Variants in PLEKHS1 observed in about 807,000 individuals in gnomAD.
The protein encoded by PLEKHS1 is pleckstrin homology domain containing S1, also known as pleckstrin homology domain-containing family S member 1.
PLEKHS1 carries 55 observed loss-of-function variants against 51.0 expected under a neutral mutation model. The observed-to-expected ratio is 1.08, with a 90% CI of 0.87 to 1.35. PLEKHS1 has a LOEUF of 1.35. PLEKHS1 is among the 40% of genes most tolerant of loss of function. The pLI, the probability that PLEKHS1 is intolerant of heterozygous loss-of-function variation, is 0.00. For missense variants in PLEKHS1, 398 were observed against 423.0 expected (o/e 0.94, Z 0.52); for synonymous variants, 153 against 144.8 (o/e 1.06, Z -0.41).
exon 12 of PLEKHS1, chr10:113,781,920 C>G (rs533506016): frequency 5.6e-4 from 86 of 152,358 alleles, no homozygotes; most frequent in African/African-American, 2.0e-3. Context: ...CTTAAAGACT[C>G]AGCAACGATT....
chr10:113,777,203 A>G, intron 11 of PLEKHS1: 1 of 1,612,844 alleles, frequency 6.2e-7, no homozygotes, highest in Non-Finnish European at 8.5e-7. Flanking sequence ...GAATGACCTG[A>G]AACCCCAGAG....
chr10:113,779,900 C>T (rs1449326331), intron 11 of PLEKHS1, among the ~76,000 whole-genome samples: 1 of 152,158 alleles, frequency 6.6e-6, no homozygotes, highest in African/African-American at 2.4e-5. Flanking sequence ...ATAGAAAATT[C>T]CCTTACTTTC....
At chr10:113,774,687 T>C (rs1844565495) in intron 9 of PLEKHS1, 139 bp from the exon 10 acceptor site, 2 of 724,630 alleles carry the variant, frequency 2.8e-6, no homozygotes, top group Non-Finnish European at 4.6e-6. Flanking sequence ...TAGCTGTGGC[T>C]GTGATTCTGA....
chr10:113,756,913 C>CTTTTTT (rs397845343), intron 2 of PLEKHS1, among the ~76,000 whole-genome samples: 7 of 109,890 alleles, frequency 6.4e-5, no homozygotes, highest in African/African-American at 7.0e-5. Flanking sequence ...TTAGATTGGT[C>CTTTTTT]TTTTTTTTTT....
intron 11 of PLEKHS1, 83 bp from the exon 12 acceptor site, chr10:113,777,041 C>A: frequency 6.5e-7 from 1 of 1,526,990 alleles, no homozygotes; most frequent in Middle Eastern, 2.3e-4. Context: ...GCCACGTGAC[C>A]TAGAATCAGG....
chr10:113,780,827 G>A lies in PLEKHS1; in HGVS notation c.*225G>A, dbSNP rs930424797. ...GCAGAACCAGGATGGAGCTGGGACTGTCCAGCTCTGCCCCCTGCTGCTGCC... is the reference window on the plus strand; with the variant it reads ...GCAGAACCAGGATGGAGCTGGGACTATCCAGCTCTGCCCCCTGCTGCTGCC... On this transcript the variant is annotated 3_prime_UTR_variant, in exon 12 of 12. Coordinates refer to ENST00000361048, the Ensembl canonical transcript of PLEKHS1. 19 of 1,495,898 alleles carry A rather than the reference G, an allele frequency of 1.3e-5. 1 individual carries two copies. Among genetic ancestry groups the A allele is most frequent in the East Asian group, 4.9e-5 (2 of 40,532 alleles). 92.7% of individuals were successfully genotyped at this position (1,495,898 alleles called of 1,614,324 possible).
intron 2 of PLEKHS1, 128 bp from the exon 3 acceptor site, chr10:113,766,283 T>C: frequency 1.6e-6 from 1 of 623,790 alleles, no homozygotes; most frequent in Non-Finnish European, 2.8e-6. Context: ...TGGGTTATTA[T>C]AGGTGTCCTT....
intron 5 of PLEKHS1, among the ~76,000 whole-genome samples, chr10:113,768,011 T>C (rs533729887): frequency 5.3e-5 from 8 of 152,246 alleles, no homozygotes; most frequent in Non-Finnish European, 1.0e-4. Flanking sequence ...CCAAATAAGG[T>C]CACATTCTGA....
intron 2 of PLEKHS1, among the ~76,000 whole-genome samples, chr10:113,758,637 A>G (rs772935160): frequency 5.9e-5 from 9 of 152,012 alleles, no homozygotes; most frequent in Admixed American, 1.3e-4. Context: ...TTCACTTGAC[A>G]CTCGCCTTCA....
chr10:113,762,404 A>G (rs1843982796), intron 2 of PLEKHS1, among the ~76,000 whole-genome samples: 1 of 131,340 alleles, frequency 7.6e-6, no homozygotes, highest in Admixed American at 8.3e-5. Flanking sequence ...GTTTCCTGAA[A>G]CGTTTCAGGT....
chr10:113,759,182 T>G (rs1280391307), intron 2 of PLEKHS1, among the ~76,000 whole-genome samples: 1 of 152,108 alleles, frequency 6.6e-6, no homozygotes, highest in African/African-American at 2.4e-5. Context: ...GGTGGGCAGA[T>G]CACTTGAGGT....
At chr10:113,755,603 C>T (rs990106079) in intron 2 of PLEKHS1, among the ~76,000 whole-genome samples, 5 of 152,044 alleles carry the variant, frequency 3.3e-5, no homozygotes. Context: ...CGGGGTTTCT[C>T]CATGTTGGTC....
intron 10 of PLEKHS1, 58 bp downstream of exon 10, chr10:113,775,093 A>T: frequency 7.1e-7 from 1 of 1,416,544 alleles, no homozygotes; most frequent in African/African-American, 1.5e-5. Context: ...CCTCCCTCCC[A>T]CTTTTTTTTT....
chr10:113,767,363 T>G lies in PLEKHS1; in HGVS notation c.243T>G (p.Val81=), dbSNP rs151023522. ...CTAATAGAAATTCCAGTGTAGAAGT[T>G]GGCATAAGTAGCCAGGAAAAGATGC... The change falls in exon 5 of 12, where the codon GTT becomes GTG. Residue 81 remains valine, a synonymous_variant. Coordinates refer to ENST00000361048, the Ensembl canonical transcript of PLEKHS1. The G allele has an allele frequency of 6.5e-4, 1,052 of 1,608,284 alleles. 9 individuals are homozygous for G. In the African/African-American group the frequency reaches 0.012, roughly 19 times the overall value.
exon 12 of PLEKHS1, chr10:113,782,189 G>GA (rs1458481849): frequency 6.6e-6 from 1 of 152,076 alleles, no homozygotes; most frequent in Non-Finnish European, 1.5e-5. Flanking sequence ...GCTTCACATG[G>GA]AAAAAATCGA....
At chr10:113,775,028 T>C (rs1844586876) in exon 10 of PLEKHS1, 3 of 1,613,912 alleles carry the variant, frequency 1.9e-6, no homozygotes, top group Non-Finnish European at 2.5e-6. Flanking sequence ...ATTGTCTATA[T>C]TAATCAAGTA....
intron 7 of PLEKHS1, among the ~76,000 whole-genome samples, chr10:113,770,636 T>C (rs745390559): frequency 6.6e-5 from 10 of 152,206 alleles, no homozygotes; most frequent in Non-Finnish European, 1.2e-4. Flanking sequence ...TCTCCAACTA[T>C]TTTGAAAGCT....
chr10:113,754,280 G>T (rs752134850), intron 1 of PLEKHS1, among the ~76,000 whole-genome samples: 1 of 152,116 alleles, frequency 6.6e-6, no homozygotes. Flanking sequence ...GGGCTGCTTG[G>T]GCACCTCCCT....
chr10:113,770,861 G>A (rs1441264324), intron 7 of PLEKHS1, among the ~76,000 whole-genome samples: 2 of 152,262 alleles, frequency 1.3e-5, no homozygotes, highest in South Asian at 2.1e-4. Flanking sequence ...ACCAGCTCGA[G>A]TTAACAGTAC....
Sources: allele counts gnomAD v4.1 joint callset (sites outside exome capture counted in the v4.1 genomes callset), GRCh38; gene constraint gnomAD v4.1.1; transcripts MANE v1.5; gene names NCBI Gene and HGNC (gene_info 2026-07-23, HGNC 2026-07-21).